JUNB: variants seen among roughly 807,000 people sequenced by gnomAD.
JUNB encodes JunB proto-oncogene, AP-1 transcription factor subunit.
Under a neutral mutation model 16.4 loss-of-function variants are expected in JUNB, and 6 were observed. The ratio of observed to expected loss-of-function variants is 0.37; its 90% CI spans 0.20 to 0.72. The LOEUF (loss-of-function observed/expected upper bound fraction) is 0.72, where lower values mean the gene tolerates loss of function less well. Among genes scored for constraint, JUNB ranks in the 30% least tolerant of loss-of-function variants. The pLI is 0.53. For missense variants in JUNB, 389 were observed against 492.9 expected, an observed-to-expected ratio of 0.79 and a Z score of 2.00; for synonymous variants, 226 against 232.8, an observed-to-expected ratio of 0.97 and a Z score of 0.27.
Position 12,791,854 on chromosome 19 carries a change from C to A in JUNB, c.83C>A (p.Ser28Tyr). Reference protein sequence around the residue: ...TGYGRAPGGLSLHDYKLLKPS... With the variant: ...TGYGRAPGGLYLHDYKLLKPS... ...TACGGCCGGGCCCCTGGTGGCCTCT[C>A]TCTACACGACTACAAACTCCTGAAA... The change falls in exon 1 of 1, where the codon TCT (serine) becomes TAT (tyrosine). Residue 28 changes from serine (S) to tyrosine (Y), a missense_variant. By Grantham distance (144) the Ser-to-Tyr change is moderately radical. Around this residue, in one of 2 missense-constraint regions of JUNB, gnomAD observed 349 missense variants for 389.8 expected, o/e 0.90. Transcript: ENST00000302754. This position sits in a 1 kb window ranked among gnomAD's most constrained non-coding sequence, Gnocchi z 7.0. 1 of 1,613,618 alleles carries A rather than the reference C, an allele frequency of 6.2e-7. No homozygotes were observed. The highest frequency in any genetic ancestry group is 8.5e-7 in the Non-Finnish European group (1 of 1,179,894).
chr19:12,792,809 C>T lies in JUNB; in HGVS notation c.1038C>T (p.Ala346=), dbSNP rs200613192. The T allele has an allele frequency of 6.3e-7, 1 of 1,597,232 alleles. No individual in the cohort carries two copies. Among genetic ancestry groups the T allele is most frequent in the Non-Finnish European group, 8.6e-7 (1 of 1,167,114 alleles). The change falls in exon 1 of 1, where the codon GCC becomes GCT. Residue 346 remains alanine (A), a synonymous_variant. Transcript: ENST00000302754. Reference sequence around the variant, plus strand: ...TGCTGCTTGGGGTCAAGGGACACGCCTTCTGAACGTCCCCTGCCCCTTTAC... The same window carrying T: ...TGCTGCTTGGGGTCAAGGGACACGCTTTCTGAACGTCCCCTGCCCCTTTAC... The part of the protein sequence containing the change: ...CQLLLGVKGH[A]F
In JUNB at chr19:12,792,193, A is replaced by G; in HGVS notation, c.422A>G (p.Lys141Arg). 6.3e-7 allele frequency: 1 copy of G among 1,579,046 alleles called. No homozygotes were observed. Among genetic ancestry groups the G allele is most frequent in the South Asian group, 1.1e-5 (1 of 87,258 alleles). Residue 141 changes from lysine (K) to arginine (R), a missense_variant, in exon 1 of 1, where the codon AAA becomes AGA. Around this residue, in one of 2 missense-constraint regions of JUNB, gnomAD observed 349 missense variants for 389.8 expected, o/e 0.90. Coordinates refer to ENST00000302754, the MANE Select transcript of JUNB (RefSeq NM_002229.3). Reference sequence around the variant, plus strand: ...GAGGGCTTCGCCGACGGCTTTGTCAAAGCCCTGGACGATCTGCACAAGATG... The same window carrying G: ...GAGGGCTTCGCCGACGGCTTTGTCAGAGCCCTGGACGATCTGCACAAGATG... ...EQEGFADGFV[K>R]ALDDLHKMNH... is the part of the protein sequence containing the mutation.
chr19:12,792,793 G>A lies in JUNB; in HGVS notation c.1022G>A (p.Gly341Glu), dbSNP rs778411292. The A allele has an allele frequency of 6.2e-7, 1 of 1,601,962 alleles. No homozygotes were observed. The highest frequency in any genetic ancestry group is 8.5e-7 in the Non-Finnish European group (1 of 1,170,804). Reference sequence around the variant, plus strand: ...AGCAACGGCTGTCAGCTGCTGCTTGGGGTCAAGGGACACGCCTTCTGAACG... The same window carrying A: ...AGCAACGGCTGTCAGCTGCTGCTTGAGGTCAAGGGACACGCCTTCTGAACG... Reference protein sequence around the residue: ...HVSNGCQLLLGVKGHAF With the variant: ...HVSNGCQLLLEVKGHAF Residue 341 changes from glycine (G) to glutamate (E), a missense_variant, in exon 1 of 1, where the codon GGG becomes GAG. Around this residue, in one of 2 missense-constraint regions of JUNB, gnomAD observed 40 missense variants for 103.2 expected, o/e 0.39. Transcript: ENST00000302754.
chr19:12,792,290 C>A lies in JUNB; in HGVS notation c.519C>A (p.Tyr173Ter). Residue 173 changes from tyrosine (Y) to a stop codon, truncating the protein, a stop_gained, in exon 1 of 1, where the codon TAC (tyrosine) becomes TAA (stop). Coordinates refer to ENST00000302754, the MANE Select transcript of JUNB (RefSeq NM_002229.3). LOFTEE classifies it high-confidence loss of function. ...GGPPAGPGGV[Y>*]AGPEPPPVYT... is the part of the protein sequence containing the mutation. ...CCCCGGCTGGGCCCGGGGGCGTCTA[C>A]GCCGGCCCGGAGCCACCTCCCGTTT... 6.7e-7 allele frequency: 1 copy of A among 1,496,798 alleles called. No homozygotes were observed. The highest frequency in any genetic ancestry group is 1.3e-5 in the South Asian group (1 of 77,402). 92.7% of individuals were successfully genotyped at this position (1,496,798 alleles called of 1,614,324 possible). A position where few individuals can be genotyped will look rare whatever the true frequency, so the allele number is the denominator to read the frequency against.
At position 12,792,537 on chromosome 19, in the gene JUNB, C is replaced by T; in HGVS notation, c.766C>T (p.Pro256Ser). 1 of 1,568,886 alleles carries T rather than the reference C, an allele frequency of 6.4e-7. No homozygotes were observed. The highest frequency in any genetic ancestry group is 8.6e-7 in the Non-Finnish European group (1 of 1,157,576). ...VPEARSRDAT[P>S]PVSPINMEDQ... is the part of the protein sequence containing the mutation. ...GGAGGCGCGCAGCCGGGACGCCACG[C>T]CGCCGGTGTCCCCCATCAACATGGA... Residue 256 changes from proline (P) to serine (S), a missense_variant, in exon 1 of 1, where the codon CCG becomes TCG. Pro to Ser is a moderately conservative substitution (Grantham distance 74). This residue lies in a region of JUNB where 349 missense variants were observed against 389.8 expected (regional missense o/e 0.90). Transcript: ENST00000302754.
rs1160096535 is a variant in JUNB, at chr19:12,793,096, G to C, written c.*281G>C. The C allele has an allele frequency of 5.8e-6, 2 of 342,240 alleles. No individual in the cohort carries two copies. Among genetic ancestry groups the C allele is most frequent in the Non-Finnish European group, 1.1e-5 (2 of 174,914 alleles). 21.2% of individuals were successfully genotyped at this position (342,240 alleles called of 1,614,324 possible). ...TATTTAACAGGGAGGGGAAGAGGGGGCGATCGCGGCGGAGCTGGCCCCGCC... is the reference window on the plus strand; with the variant it reads ...TATTTAACAGGGAGGGGAAGAGGGGCCGATCGCGGCGGAGCTGGCCCCGCC... On this transcript the variant is annotated 3_prime_UTR_variant, in exon 1 of 1. Coordinates refer to ENST00000302754, the MANE Select transcript of JUNB (RefSeq NM_002229.3). The surrounding 1 kb of genome is among the most constrained non-coding windows in gnomAD (Gnocchi z 6.1).
At position 12,792,614 on chromosome 19, in the gene JUNB, G is replaced by T. The variant is rs773448366; in HGVS notation, c.843G>T (p.Ala281=). The T allele has an allele frequency of 1.3e-6, 2 of 1,557,618 alleles. No homozygotes were observed. The highest frequency in any genetic ancestry group is 2.4e-5 in the South Asian group (2 of 84,974). Residue 281 remains alanine (A), a synonymous_variant, in exon 1 of 1, where the codon GCG becomes GCT. Transcript: ENST00000302754. ...VERKRLRNRL[A]ATKCRKRKLE... is the part of the protein sequence containing the mutation. ...GCAAGCGGCTGCGGAACCGGCTGGC[G>T]GCCACCAAGTGCCGGAAGCGGAAGC...
Position 12,791,868 on chromosome 19 carries a change from A to G in JUNB, c.97A>G (p.Lys33Glu). The change falls in exon 1 of 1, where the codon AAA (lysine) becomes GAA (glutamate). Residue 33 changes from lysine to glutamate, a missense_variant. By Grantham distance (56) the Lys-to-Glu change is moderately conservative (BLOSUM62 1). Transcript: ENST00000302754. This position sits in a 1 kb window ranked among gnomAD's most constrained non-coding sequence, Gnocchi z 7.0. ...APGGLSLHDY[K>E]LLKPSLAVNL... The stretch of plus-strand genomic sequence containing the variant: ...TGGTGGCCTCTCTCTACACGACTAC[A>G]AACTCCTGAAACCGAGCCTGGCGGT... 6.2e-7 allele frequency: 1 copy of G among 1,613,544 alleles called. No individual in the cohort carries two copies. The highest frequency in any genetic ancestry group is 8.5e-7 in the Non-Finnish European group (1 of 1,179,888).
At position 12,792,328 on chromosome 19, in the gene JUNB, G is replaced by C. The variant is rs1236180660; in HGVS notation, c.557G>C (p.Ser186Thr). 1 of 1,528,496 alleles carries C rather than the reference G, an allele frequency of 6.5e-7. No individual in the cohort carries two copies. The highest frequency in any genetic ancestry group is 2.1e-5 in the Admixed American group (1 of 47,614). 94.7% of individuals were successfully genotyped at this position (1,528,496 alleles called of 1,614,324 possible). ...CCACCTCCCGTTTACACCAACCTCA[G>C]CAGCTACTCCCCAGCCTCTGCGTCC... ...PEPPPVYTNL[S>T]SYSPASASSG... Residue 186 changes from serine to threonine, a missense_variant, in exon 1 of 1, where the codon AGC becomes ACC. By Grantham distance (58) the Ser-to-Thr change is moderately conservative (BLOSUM62 1). This residue lies in a region of JUNB where 349 missense variants were observed against 389.8 expected (regional missense o/e 0.90). Transcript: ENST00000302754.
Position 12,792,917 on chromosome 19 carries a change from T to C in JUNB, c.*102T>C. 7.3e-7 allele frequency: 1 copy of C among 1,378,256 alleles called. No homozygotes were observed. The highest frequency in any genetic ancestry group is 9.8e-7 in the Non-Finnish European group (1 of 1,025,592). The allele number at this position is 1,378,256 out of a possible 1,614,324, so 85.4% of individuals were successfully genotyped here. ...GGCGGTGGGCACCCACCCTGGGACC[T>C]AGGGGCGCCGCAAACCACACTGGAC... On this transcript the variant is annotated 3_prime_UTR_variant, in exon 1 of 1. Coordinates refer to ENST00000302754, the MANE Select transcript of JUNB (RefSeq NM_002229.3).
Position 12,792,372 on chromosome 19 carries a change from G to A in JUNB, c.601G>A (p.Ala201Thr). 1.9e-6 allele frequency: 3 copies of A among 1,565,152 alleles called. No individual in the cohort carries two copies. Among genetic ancestry groups the A allele is most frequent in the East Asian group, 2.4e-5 (1 of 42,306 alleles). The change falls in exon 1 of 1, where the codon GCC (alanine) becomes ACC (threonine). Residue 201 changes from alanine (A) to threonine (T), a missense_variant. By Grantham distance (58) the Ala-to-Thr change is moderately conservative (BLOSUM62 0). Around this residue, in one of 2 missense-constraint regions of JUNB, gnomAD observed 349 missense variants for 389.8 expected, o/e 0.90. Coordinates refer to ENST00000302754, the MANE Select transcript of JUNB (RefSeq NM_002229.3). ...ASASSGGAGA[A>T]VGTGSSYPTT... Reference sequence around the variant, plus strand: ...TGCGTCCTCGGGAGGCGCCGGGGCTGCCGTCGGGACCGGGAGCTCGTACCC... The same window carrying A: ...TGCGTCCTCGGGAGGCGCCGGGGCTACCGTCGGGACCGGGAGCTCGTACCC...
At position 12,792,428 on chromosome 19, in the gene JUNB, G is replaced by A. The variant is rs745308630; in HGVS notation, c.657G>A (p.Ala219=). Residue 219 remains alanine (A), a synonymous_variant, in exon 1 of 1, where the codon GCG becomes GCA. Coordinates refer to ENST00000302754, the MANE Select transcript of JUNB (RefSeq NM_002229.3). ...PTTTISYLPH[A]PPFAGGHPAQ... ...CCACCATCAGCTACCTCCCACACGCGCCGCCCTTCGCCGGTGGCCACCCGG... is the reference window on the plus strand; with the variant it reads ...CCACCATCAGCTACCTCCCACACGCACCGCCCTTCGCCGGTGGCCACCCGG... The A allele has an allele frequency of 3.1e-6, 5 of 1,601,356 alleles. No homozygotes were observed. Among genetic ancestry groups the A allele is most frequent in the Non-Finnish European group, 4.2e-6 (5 of 1,177,242 alleles).
chr19:12,793,097 C>G lies in JUNB; in HGVS notation c.*282C>G, dbSNP rs978833386. 9.1e-6 allele frequency: 3 copies of G among 330,306 alleles called. No individual in the cohort carries two copies. Among genetic ancestry groups the G allele is most frequent in the African/African-American group, 4.2e-5 (2 of 47,428 alleles). The allele number at this position is 330,306 out of a possible 1,614,324, so 20.5% of individuals were successfully genotyped here. A position where few individuals can be genotyped will look rare whatever the true frequency, so the allele number is the denominator to read the frequency against. ...ATTTAACAGGGAGGGGAAGAGGGGGCGATCGCGGCGGAGCTGGCCCCGCCG... is the reference window on the plus strand; with the variant it reads ...ATTTAACAGGGAGGGGAAGAGGGGGGGATCGCGGCGGAGCTGGCCCCGCCG... On this transcript the variant is annotated 3_prime_UTR_variant, in exon 1 of 1. Coordinates refer to ENST00000302754, the MANE Select transcript of JUNB (RefSeq NM_002229.3). The surrounding 1 kb of genome is among the most constrained non-coding windows in gnomAD (Gnocchi z 6.1).
At position 12,792,992 on chromosome 19, in the gene JUNB, C is replaced by T; in HGVS notation, c.*177C>T. 1 of 615,048 alleles carries T rather than the reference C, an allele frequency of 1.6e-6. No homozygotes were observed. The highest frequency in any genetic ancestry group is 2.9e-6 in the Non-Finnish European group (1 of 347,712). 38.1% of individuals were successfully genotyped at this position (615,048 alleles called of 1,614,324 possible). A position where few individuals can be genotyped will look rare whatever the true frequency, so the allele number is the denominator to read the frequency against. On this transcript the variant is annotated 3_prime_UTR_variant, in exon 1 of 1. Coordinates refer to ENST00000302754, the MANE Select transcript of JUNB (RefSeq NM_002229.3). ...GTCCTTCCACCTCGACGTTTACAAG[C>T]CCCCCCTTCCACTTTTTTTTGTATG...
rs1278628352 is a variant in JUNB, at chr19:12,792,419, C to T, written c.648C>T (p.Leu216=). Residue 216 remains leucine, a synonymous_variant, in exon 1 of 1, where the codon CTC becomes CTT. Transcript: ENST00000302754. ...SSYPTTTISY[L]PHAPPFAGGH... ...ACCCGACGACCACCATCAGCTACCT[C>T]CCACACGCGCCGCCCTTCGCCGGTG... is the stretch of plus-strand genomic sequence containing the variant. The T allele has an allele frequency of 1.2e-6, 2 of 1,601,678 alleles. No homozygotes were observed. Among genetic ancestry groups the T allele is most frequent in the Non-Finnish European group, 1.7e-6 (2 of 1,177,306 alleles).
Position 12,791,960 on chromosome 19 carries a change from C to A in JUNB, c.189C>A (p.Gly63=), listed in dbSNP as rs769830322. 40 of 1,610,880 alleles carry A rather than the reference C, an allele frequency of 2.5e-5. No homozygotes were observed. The highest frequency in any genetic ancestry group is 3.1e-5 in the Non-Finnish European group (37 of 1,179,314). Residue 63 remains glycine (G), a synonymous_variant, in exon 1 of 1, where the codon GGC becomes GGA. Coordinates refer to ENST00000302754, the MANE Select transcript of JUNB (RefSeq NM_002229.3). This position sits in a 1 kb window ranked among gnomAD's most constrained non-coding sequence, Gnocchi z 7.0. ...CTCGCGGACCCGGCCCAGAGGGCGG[C>A]GGTGGCGGCAGCTACTTTTCTGGTC... ...PGARGPGPEG[G]GGGSYFSGQG...
At position 12,792,588 on chromosome 19, in the gene JUNB, C is replaced by T. The variant is rs1200560358; in HGVS notation, c.817C>T (p.Arg273Cys). 2 of 1,564,394 alleles carry T rather than the reference C, an allele frequency of 1.3e-6. No homozygotes were observed. Among genetic ancestry groups the T allele is most frequent in the East Asian group, 2.4e-5 (1 of 42,094 alleles). Residue 273 changes from arginine (R) to cysteine (C), a missense_variant, in exon 1 of 1, where the codon CGC becomes TGC. Arg to Cys is a radical substitution (Grantham distance 180). Around this residue, in one of 2 missense-constraint regions of JUNB, gnomAD observed 349 missense variants for 389.8 expected, o/e 0.90. Transcript: ENST00000302754. ...AGACCAAGAGCGCATCAAAGTGGAGCGCAAGCGGCTGCGGAACCGGCTGGC... is the reference window on the plus strand; with the variant it reads ...AGACCAAGAGCGCATCAAAGTGGAGTGCAAGCGGCTGCGGAACCGGCTGGC... ...MEDQERIKVERKRLRNRLAAT... is the reference protein window; with the variant it reads ...MEDQERIKVECKRLRNRLAAT...
chr19:12,791,834 C>T lies in JUNB; in HGVS notation c.63C>T (p.Gly21=). 1 of 1,613,578 alleles carries T rather than the reference C, an allele frequency of 6.2e-7. No homozygotes were observed. The highest frequency in any genetic ancestry group is 8.5e-7 in the Non-Finnish European group (1 of 1,179,856). ...ACTCATACACAGCTACGGGATACGG[C>T]CGGGCCCCTGGTGGCCTCTCTCTAC... The part of the protein sequence containing the change: ...HDDSYTATGY[G]RAPGGLSLHD... The change falls in exon 1 of 1, where the codon GGC becomes GGT. Residue 21 remains glycine, a synonymous_variant. Coordinates refer to ENST00000302754, the MANE Select transcript of JUNB (RefSeq NM_002229.3). This position sits in a 1 kb window ranked among gnomAD's most constrained non-coding sequence, Gnocchi z 7.0.
chr19:12,791,949 C>G lies in JUNB; in HGVS notation c.178C>G (p.Pro60Ala). ...AGCGCCTGGGGCTCGCGGACCCGGC[C>G]CAGAGGGCGGCGGTGGCGGCAGCTA... ...LKAPGARGPGPEGGGGGSYFS... is the reference protein window; with the variant it reads ...LKAPGARGPGAEGGGGGSYFS... The change falls in exon 1 of 1, where the codon CCA becomes GCA. Residue 60 changes from proline to alanine, a missense_variant. This residue lies in a region of JUNB where 349 missense variants were observed against 389.8 expected (regional missense o/e 0.90). Transcript: ENST00000302754. This position sits in a 1 kb window ranked among gnomAD's most constrained non-coding sequence, Gnocchi z 7.0. 6.2e-7 allele frequency: 1 copy of G among 1,611,358 alleles called. No homozygotes were observed. The highest frequency in any genetic ancestry group is 8.5e-7 in the Non-Finnish European group (1 of 1,179,440).
Sources: gnomAD v4.1 joint callset for allele counts on GRCh38, gnomAD v4.1.1 for gene constraint, gnomAD v4.1.1 regional missense constraint, Gnocchi (gnomAD v3.1) non-coding constraint, MANE v1.5 for transcripts, NCBI Gene and HGNC (gene_info 2026-07-23, HGNC 2026-07-21) for gene names.